NDUFB6: variants seen among roughly 807,000 people sequenced by gnomAD.
NDUFB6 encodes the protein NADH:ubiquinone oxidoreductase subunit B6.
In NDUFB6, 23 loss-of-function variants were observed where a neutral mutation model predicts 17.5. The observed-to-expected ratio is 1.31, with a 90% CI of 0.94 to 1.86. The LOEUF (loss-of-function observed/expected upper bound fraction) is 1.86, where lower values mean the gene tolerates loss of function less well. NDUFB6 is among the 40% of genes most tolerant of loss of function. NDUFB6 has a pLI of 0.00. For missense variants in NDUFB6, 167 were observed against 153.8 expected, an observed-to-expected ratio of 1.09 and a Z score of -0.46; for synonymous variants, 60 against 53.5, an observed-to-expected ratio of 1.12 and a Z score of -0.53.
chr9:32,568,357 A>G, intron 2 of NDUFB6: 2 of 228,364 alleles, frequency 8.8e-6, no homozygotes, highest in Non-Finnish European at 1.9e-5. Flanking sequence ...AAAGCTTGAT[A>G]GATGAGAAGG....
intron 2 of NDUFB6, 36 bp from the exon 3 acceptor site, chr9:32,558,990 T>C (rs776029511): frequency 1.4e-6 from 2 of 1,461,658 alleles, no homozygotes; most frequent in South Asian, 2.5e-5. Flanking sequence ...AATTATGGTG[T>C]TAAGAGTTTC....
intron 2 of NDUFB6, among the ~76,000 whole-genome samples, chr9:32,565,241 C>T (rs181813474): frequency 5.9e-4 from 90 of 151,500 alleles, no homozygotes; most frequent in African/African-American, 2.0e-3. Context: ...CGCAGTGAGC[C>T]GAGATCGCGC....
chr9:32,558,804 A>G, intron 3 of NDUFB6, 106 bp downstream of exon 3: 2 of 773,158 alleles, frequency 2.6e-6, no homozygotes, highest in Non-Finnish European at 4.0e-6. Flanking sequence ...ACTTAAACCG[A>G]AAGTGAGAAG....
intron 2 of NDUFB6, chr9:32,566,724 T>A: frequency 1.1e-6 from 1 of 888,184 alleles, no homozygotes; most frequent in Non-Finnish European, 1.9e-6. Flanking sequence ...AAATCGGGAC[T>A]CCAAGCCTTC....
Position 32,557,489 on chromosome 9 carries a change from C to CT in NDUFB6, c.318+1420dup, listed in dbSNP as rs376298827. 8.4e-3 allele frequency among the ~76,000 whole-genome samples: 1,247 copies of CT among 148,270 alleles called. 23 individuals carry two copies. The highest frequency in any genetic ancestry group is 0.026 in the African/African-American group (1,039 of 40,216). ...CCCCTACTTTTTTTTTTCCTTTTTC[C>CT]TTTTTTTTTGAGATGGAGTTTCACT... On this transcript the variant is annotated intron_variant, in intron 3 of 3. Coordinates refer to ENST00000379847, the MANE Select transcript of NDUFB6 (RefSeq NM_002493.5).
At chr9:32,564,919 C>T (rs1259570890) in intron 2 of NDUFB6, among the ~76,000 whole-genome samples, 2 of 152,296 alleles carry the variant, frequency 1.3e-5, no homozygotes, top group African/African-American at 4.8e-5. Flanking sequence ...CCTAGAAAAA[C>T]GGCAGTTTCA....
chr9:32,572,288 T>G (rs1324744239), intron 1 of NDUFB6, among the ~76,000 whole-genome samples: 1 of 152,188 alleles, frequency 6.6e-6, no homozygotes, highest in African/African-American at 2.4e-5. Flanking sequence ...CTTGAATGAG[T>G]GATTTTCTTC....
At chr9:32,571,960 T>G (rs1174152377) in intron 1 of NDUFB6, among the ~76,000 whole-genome samples, 5 of 152,260 alleles carry the variant, frequency 3.3e-5, no homozygotes, top group Non-Finnish European at 7.3e-5. Context: ...AGATACATGT[T>G]GATTACAATA....
At chr9:32,559,159 A>G (rs1821558540) in intron 2 of NDUFB6, among the ~76,000 whole-genome samples, 1 of 152,152 alleles carries the variant, frequency 6.6e-6, no homozygotes, top group Non-Finnish European at 1.5e-5. Flanking sequence ...AACTTCTCCC[A>G]TCCCCAAACT....
chr9:32,571,398 T>C (rs1056528211), intron 1 of NDUFB6, among the ~76,000 whole-genome samples: 3 of 152,244 alleles, frequency 2.0e-5, no homozygotes, highest in Admixed American at 6.5e-5. Context: ...TTAATGTATT[T>C]AACCAGAGTA....
chr9:32,555,672 A>G (rs1821436290), intron 3 of NDUFB6, among the ~76,000 whole-genome samples: 1 of 152,194 alleles, frequency 6.6e-6, no homozygotes, highest in Admixed American at 6.5e-5. Flanking sequence ...AATTAAAACA[A>G]CCTCTGGCAT....
intron 2 of NDUFB6, chr9:32,567,292 C>T: frequency 2.1e-6 from 1 of 471,268 alleles, no homozygotes; most frequent in Non-Finnish European, 4.4e-6. Context: ...TTGCTAACAG[C>T]ATGTGTTCAC....
At chr9:32,566,785 CGTT>C in intron 2 of NDUFB6, 1 of 915,518 alleles carries the variant, frequency 1.1e-6, no homozygotes, top group Non-Finnish European at 1.8e-6. Context: ...TTCTGGCTGA[CGTT>C]GTACAGGAGG....
rs1587632269 is a variant in NDUFB6, at chr9:32,553,575, C to G, written c.*301G>C. On this transcript the variant is annotated 3_prime_UTR_variant, in exon 4 of 4. Coordinates refer to ENST00000379847, the MANE Select transcript of NDUFB6 (RefSeq NM_002493.5). ...TATTTCACTGTTGCATACCCTGATA[C>G]CAAATTAGTGTAAGTACTGTGTAAG... 3.4e-6 allele frequency: 1 copy of G among 292,858 alleles called. No homozygotes were observed. The highest frequency in any genetic ancestry group is 6.4e-6 in the Non-Finnish European group (1 of 155,076). 18.1% of individuals were successfully genotyped at this position (292,858 alleles called of 1,614,324 possible). A position where few individuals can be genotyped will look rare whatever the true frequency, so the allele number is the denominator to read the frequency against.
chr9:32,560,699 A>G (rs1433996109), intron 2 of NDUFB6, among the ~76,000 whole-genome samples: 2 of 152,236 alleles, frequency 1.3e-5, no homozygotes, highest in African/African-American at 4.8e-5. Flanking sequence ...ATGTATAAAT[A>G]CAATTTAAAA....
rs1368948738 is a variant in NDUFB6 at position 32,553,513 on chromosome 9, T to A, written c.*363A>T. On this transcript the variant is annotated 3_prime_UTR_variant, in exon 4 of 4. Transcript: ENST00000379847. ...CGGAAAGATTTCCTTAAAACAAAAG[T>A]GCATGGAATTGCTGTTCTTACATTT... is the stretch of plus-strand genomic sequence containing the variant. 2 of 212,928 alleles carry A rather than the reference T, an allele frequency of 9.4e-6. No homozygotes were observed. The highest frequency in any genetic ancestry group is 4.7e-5 in the African/African-American group (2 of 42,200). The allele number at this position is 212,928 out of a possible 1,614,324, so 13.2% of individuals were successfully genotyped here.
intron 3 of NDUFB6, among the ~76,000 whole-genome samples, 158 bp downstream of exon 3, chr9:32,558,752 T>C (rs1821544047): frequency 6.6e-6 from 1 of 152,142 alleles, no homozygotes; most frequent in South Asian, 2.1e-4. Flanking sequence ...TCCTGTTTTT[T>C]TTTGTTTTGT....
At chr9:32,562,038 T>C (rs980223771) in intron 2 of NDUFB6, among the ~76,000 whole-genome samples, 3 of 152,210 alleles carry the variant, frequency 2.0e-5, no homozygotes, top group Non-Finnish European at 2.9e-5. Flanking sequence ...ACTTCTTCTA[T>C]CTAACTTTCA....
At chr9:32,571,632 G>A (rs953137299) in intron 1 of NDUFB6, among the ~76,000 whole-genome samples, 6 of 152,108 alleles carry the variant, frequency 3.9e-5, no homozygotes, top group Non-Finnish European at 8.8e-5. Flanking sequence ...CTTCCAACTT[G>A]ATTAAAAAAC....
Sources: gnomAD v4.1 joint callset for allele counts (sites outside exome capture counted in the v4.1 genomes callset) on GRCh38, gnomAD v4.1.1 for gene constraint, MANE v1.5 for transcripts, NCBI Gene and HGNC (gene_info 2026-07-23, HGNC 2026-07-21) for gene names.